Variants in RABL6 observed in about 807,000 individuals in gnomAD.
RABL6 encodes RAB, member RAS oncogene family like 6, also known as rab-like protein 6.
A neutral mutation model predicts 72.9 loss-of-function variants in RABL6; 28 were observed. That is an observed-to-expected ratio of 0.38 (90% CI 0.28 to 0.53). The LOEUF (loss-of-function observed/expected upper bound fraction) is 0.53, where lower values mean the gene tolerates loss of function less well. Among genes scored for constraint, RABL6 ranks in the 20% least tolerant of loss-of-function variants. The pLI, the probability that RABL6 is intolerant of heterozygous loss-of-function variation, is 0.80. For synonymous variants in RABL6, 477 were observed against 421.2 expected, an observed-to-expected ratio of 1.13 and a Z score of -1.62; for missense variants, 1,029 against 1,008.4, an observed-to-expected ratio of 1.02 and a Z score of -0.28.
At chr9:136,820,571 A>G (rs1848216186) in intron 1 of RABL6, among the ~76,000 whole-genome samples, 1 of 152,108 alleles carries the variant, frequency 6.6e-6, no homozygotes. Context: ...GGGTTTCTCC[A>G]TGTTGTCCAG....
chr9:136,831,853 C>T lies in RABL6; in HGVS notation c.591C>T (p.Asn197=), dbSNP rs1848482677. The T allele has an allele frequency of 6.2e-7, 1 of 1,611,202 alleles. No individual in the cohort carries two copies. ...LPDDVRDFID[N]LDRPPGSSYF... ...ACGACGTGCGTGACTTCATCGACAA[C>T]CTGGACAGGTGGGTGCGGTGGCCCT... is the stretch of plus-strand genomic sequence containing the variant. The change falls in exon 6 of 15, where the codon AAC becomes AAT. Residue 197 remains asparagine, a synonymous_variant. Coordinates refer to ENST00000311502, the MANE Select transcript of RABL6 (RefSeq NM_024718.5).
At chr9:136,821,640 G>A in intron 1 of RABL6, 1 of 988,118 alleles carries the variant, frequency 1.0e-6, no homozygotes, top group Non-Finnish European at 1.2e-6. Context: ...GAGGGAGGGC[G>A]CCGCGGCCCG....
At chr9:136,812,475 C>T (rs542558329) in intron 1 of RABL6, among the ~76,000 whole-genome samples, 1 of 152,246 alleles carries the variant, frequency 6.6e-6, no homozygotes, top group African/African-American at 2.4e-5. Context: ...AGGAGAATCG[C>T]TTGAACCCGG....
At chr9:136,832,928 A>G (rs1458019418) in intron 7 of RABL6, 3 of 327,176 alleles carry the variant, frequency 9.2e-6, no homozygotes, top group Non-Finnish European at 1.8e-5. Flanking sequence ...CCAGCAAATG[A>G]TGAGGCTTGA....
At chr9:136,837,035 G>C (rs1447980184) in intron 8 of RABL6, 4 of 476,210 alleles carry the variant, frequency 8.4e-6, no homozygotes, top group African/African-American at 5.9e-5. Flanking sequence ...CACCACACCC[G>C]GCTAATTTTT....
chr9:136,839,434 T>C lies in RABL6; in HGVS notation c.1706T>C (p.Val569Ala). 6.2e-7 allele frequency: 1 copy of C among 1,612,616 alleles called. No homozygotes were observed. Among genetic ancestry groups the C allele is most frequent in the Non-Finnish European group, 8.5e-7 (1 of 1,179,746 alleles). The stretch of plus-strand genomic sequence containing the variant: ...ATTGCTGCACAAATGCTGTCCTTCG[T>C]CATGGATGACCCCGACTTTGAGAGC... ...GPIAAQMLSF[V>A]MDDPDFESEG... The change falls in exon 12 of 15, where the codon GTC (valine) becomes GCC (alanine). Residue 569 changes from valine (V) to alanine (A), a missense_variant. Physicochemically the swap from Val to Ala is moderately conservative, Grantham distance 64. Transcript: ENST00000311502.
chr9:136,828,046 G>A (rs1406294774), intron 3 of RABL6: 1 of 157,702 alleles, frequency 6.3e-6, no homozygotes, highest in Non-Finnish European at 1.4e-5. Context: ...TCCCGGGCTG[G>A]TTGTTGCCTT....
chr9:136,808,548 A>T (rs571902551), intron 1 of RABL6: 1 of 295,904 alleles, frequency 3.4e-6, no homozygotes, highest in East Asian at 6.4e-5. Flanking sequence ...GTCGTTTCCC[A>T]GCCGCACTCG....
chr9:136,837,696 C>G (rs764047634), intron 9 of RABL6, 34 bp downstream of exon 9: 14 of 1,552,718 alleles, frequency 9.0e-6, no homozygotes, highest in South Asian at 2.4e-5. Context: ...CAAACTGGTC[C>G]CAGACCCCCA....
chr9:136,835,558 C>T (rs1486970352), intron 7 of RABL6, 184 bp from the exon 8 acceptor site: 2 of 577,316 alleles, frequency 3.5e-6, no homozygotes, highest in Non-Finnish European at 3.1e-6. Flanking sequence ...CAGAGGAATC[C>T]TCTGGGCTTC....
intron 1 of RABL6, chr9:136,821,725 G>A: frequency 1.8e-6 from 2 of 1,107,584 alleles, no homozygotes; most frequent in Non-Finnish European, 2.2e-6. Flanking sequence ...GCTTGGGGCT[G>A]CTGTGCTCTC....
chr9:136,825,367 C>T (rs1020132615), intron 2 of RABL6, among the ~76,000 whole-genome samples: 6 of 152,216 alleles, frequency 3.9e-5, no homozygotes, highest in African/African-American at 1.2e-4. Flanking sequence ...AGGAGGGTCC[C>T]CTTCCAGTAT....
At chr9:136,821,792 C>G (rs921383263) in intron 1 of RABL6, 8 of 1,173,642 alleles carry the variant, frequency 6.8e-6, no homozygotes, top group Middle Eastern at 3.9e-4. Context: ...TCTCCAAGTT[C>G]TCCGCGGGAG....
chr9:136,811,052 G>A (rs1300909900), intron 1 of RABL6, among the ~76,000 whole-genome samples: 2 of 152,160 alleles, frequency 1.3e-5, no homozygotes, highest in Non-Finnish European at 2.9e-5. Context: ...ATAAAAACTC[G>A]AATGAGACAT....
intron 1 of RABL6, 125 bp downstream of exon 1, chr9:136,808,451 C>T: frequency 2.8e-6 from 3 of 1,076,046 alleles, no homozygotes; most frequent in Non-Finnish European, 3.5e-6. Flanking sequence ...GCTGGGCCCG[C>T]CGGGCGCTCC....
At chr9:136,830,603 T>G (rs1848452782) in intron 5 of RABL6, among the ~76,000 whole-genome samples, 1 of 152,242 alleles carries the variant, frequency 6.6e-6, no homozygotes, top group African/African-American at 2.4e-5. Flanking sequence ...CAGGCCAGCC[T>G]GGTGGGTGGG....
chr9:136,837,379 C>A lies in RABL6; in HGVS notation c.843C>A (p.Gly281=), dbSNP rs1242732417. Residue 281 remains glycine (G), a synonymous_variant, in exon 9 of 15, where the codon GGC becomes GGA. Transcript: ENST00000311502. ...FLEMMEARSR[G]HASPLAANGQ... is the part of the protein sequence containing the mutation. ...AGATGATGGAGGCTCGCAGCCGTGG[C>A]CATGCGTCCCCACTGGCGGCCAACG... 1.2e-6 allele frequency: 2 copies of A among 1,601,564 alleles called. No homozygotes were observed. The highest frequency in any genetic ancestry group is 3.4e-5 in the Admixed American group (2 of 58,718).
intron 1 of RABL6, among the ~76,000 whole-genome samples, chr9:136,819,095 A>G (rs11145895): frequency 0.063 from 9,582 of 151,858 alleles, 747 homozygotes; most frequent in African/African-American, 0.18. Flanking sequence ...GGCCAAGGCG[A>G]GTGGATCACG....
In RABL6 at chr9:136,813,332, A is replaced by T. The variant is rs193091733; in HGVS notation, c.130+5006A>T. 2.5e-5 allele frequency: 18 copies of T among 723,982 alleles called. No individual in the cohort carries two copies. The East Asian group carries it at 4.6e-4, about 19-fold the overall frequency. The allele number at this position is 723,982 out of a possible 1,614,324, so 44.8% of individuals were successfully genotyped here. A position where few individuals can be genotyped will look rare whatever the true frequency, so the allele number is the denominator to read the frequency against. On this transcript the variant is annotated intron_variant, in intron 1 of 14. Transcript: ENST00000311502. ...TTTTGGTTCTGGGGCACTTTGATAA[A>T]AGTTGCCTTGTCTCAGATTCTTTCT...
Sources: gnomAD v4.1 joint callset for allele counts (sites outside exome capture counted in the v4.1 genomes callset) on GRCh38, gnomAD v4.1.1 for gene constraint, MANE v1.5 for transcripts, NCBI Gene and HGNC (gene_info 2026-07-23, HGNC 2026-07-21) for gene names.